ACSS3: variants seen among roughly 807,000 people sequenced by gnomAD.
ACSS3 encodes the protein acyl-CoA synthetase short chain family member 3.
A neutral mutation model predicts 84.2 loss-of-function variants in ACSS3; 64 were observed. That is an observed-to-expected ratio of 0.76 (90% CI 0.62 to 0.94). ACSS3 has a LOEUF of 0.94. Among genes scored for constraint, ACSS3 ranks in the 40% least tolerant of loss-of-function variants. The pLI is 0.00. For missense variants in ACSS3, 815 were observed against 867.6 expected (o/e 0.94, Z 0.76); for synonymous variants, 317 against 310.1 (o/e 1.02, Z -0.23).
At position 81,254,906 on chromosome 12, in the gene ACSS3, T is replaced by C; in HGVS notation, c.2045T>C (p.Met682Thr). ...AGCATTTTTGGCCACGTAGAAGAAA[T>C]GCTGAAGCAAGCATAATGAGTTTGT... Reference protein sequence around the residue: ...DPSIFGHVEEMLKQA With the variant: ...DPSIFGHVEETLKQA Residue 682 changes from methionine to threonine, a missense_variant, in exon 16 of 16, where the codon ATG (methionine) becomes ACG (threonine). Met to Thr is a moderately conservative substitution (Grantham distance 81). Coordinates refer to ENST00000548058, the MANE Select transcript of ACSS3 (RefSeq NM_024560.4). 1.2e-6 allele frequency: 2 copies of C among 1,606,466 alleles called. No individual in the cohort carries two copies. The highest frequency in any genetic ancestry group is 1.7e-6 in the Non-Finnish European group (2 of 1,176,592).
chr12:81,247,926 G>GA (rs1181812342), intron 13 of ACSS3, among the ~76,000 whole-genome samples: 3 of 151,920 alleles, frequency 2.0e-5, no homozygotes, highest in East Asian at 1.9e-4. Context: ...TTTATTTGTA[G>GA]AAAAAAATAG....
At chr12:81,227,230 A>C (rs2033301656) in intron 11 of ACSS3, among the ~76,000 whole-genome samples, 1 of 151,842 alleles carries the variant, frequency 6.6e-6, no homozygotes, top group Non-Finnish European at 1.5e-5. Flanking sequence ...CACATTATGG[A>C]GGATAATCTG....
At chr12:81,117,220 T>C (rs949653932) in intron 2 of ACSS3, among the ~76,000 whole-genome samples, 4 of 152,198 alleles carry the variant, frequency 2.6e-5, no homozygotes, top group African/African-American at 9.6e-5. Context: ...AACATGCTTG[T>C]GGAACACATA....
chr12:81,157,264 A>G (rs185959533), intron 7 of ACSS3, among the ~76,000 whole-genome samples: 164 of 152,326 alleles, frequency 1.1e-3, no homozygotes, highest in Non-Finnish European at 1.7e-3. Flanking sequence ...ATATAATCAT[A>G]TTAATTGATG....
chr12:81,205,752 C>T (rs1281183841), intron 9 of ACSS3, among the ~76,000 whole-genome samples: 2 of 152,078 alleles, frequency 1.3e-5, no homozygotes, highest in African/African-American at 4.8e-5. Flanking sequence ...AATCTGTCAG[C>T]CTGCAGTTCT....
chr12:81,162,062 A>C (rs1887180430), intron 7 of ACSS3, among the ~76,000 whole-genome samples: 1 of 152,168 alleles, frequency 6.6e-6, no homozygotes, highest in African/African-American at 2.4e-5. Context: ...CATGACAAGC[A>C]GGGACGGAGG....
At chr12:81,220,520 G>A (rs1035188519) in intron 11 of ACSS3, among the ~76,000 whole-genome samples, 1 of 151,730 alleles carries the variant, frequency 6.6e-6, no homozygotes. Context: ...CTAGGGTTTG[G>A]GCTTCTAGTG....
chr12:81,209,427 T>G (rs1421175255), intron 9 of ACSS3, among the ~76,000 whole-genome samples: 2 of 151,340 alleles, frequency 1.3e-5, no homozygotes, highest in South Asian at 2.1e-4. Context: ...CCTGGCAGCT[T>G]AAAACAACAA....
intron 9 of ACSS3, among the ~76,000 whole-genome samples, chr12:81,201,148 A>G (rs1169544733): frequency 6.6e-6 from 1 of 152,206 alleles, no homozygotes; most frequent in Admixed American, 6.5e-5. Context: ...GTAGAAATAC[A>G]TAGAAACAAG....
intron 11 of ACSS3, among the ~76,000 whole-genome samples, chr12:81,230,117 G>C (rs751483135): frequency 8.6e-5 from 13 of 151,932 alleles, no homozygotes; most frequent in Non-Finnish European, 1.3e-4. Context: ...TGAGAACTAC[G>C]AATTTACAAC....
At chr12:81,249,189 A>G (rs1466912247) in intron 13 of ACSS3, among the ~76,000 whole-genome samples, 3 of 152,106 alleles carry the variant, frequency 2.0e-5, no homozygotes, top group Non-Finnish European at 4.4e-5. Flanking sequence ...ATTGTGTCTA[A>G]AATCTGCTAG....
intron 2 of ACSS3, among the ~76,000 whole-genome samples, chr12:81,130,741 T>G (rs2121549780): frequency 6.6e-6 from 1 of 152,306 alleles, no homozygotes; most frequent in Middle Eastern, 3.4e-3. Flanking sequence ...GGTTTTCTTG[T>G]AGGGTTTTTA....
intron 13 of ACSS3, among the ~76,000 whole-genome samples, chr12:81,242,109 C>T (rs2033826716): frequency 6.6e-6 from 1 of 152,064 alleles, no homozygotes; most frequent in Admixed American, 6.6e-5. Context: ...TTCCCCATTG[C>T]TTGTTTTTCC....
chr12:81,184,155 A>G (rs1237449688), intron 8 of ACSS3, among the ~76,000 whole-genome samples: 1 of 152,004 alleles, frequency 6.6e-6, no homozygotes, highest in Non-Finnish European at 1.5e-5. Context: ...GTAGTTCACA[A>G]ATATGTGGAA....
chr12:81,168,648 T>G (rs1019364231), intron 7 of ACSS3, among the ~76,000 whole-genome samples: 2 of 152,182 alleles, frequency 1.3e-5, no homozygotes, highest in African/African-American at 4.8e-5. Flanking sequence ...CTATGTCCTA[T>G]AAATCATGAC....
At chr12:81,172,991 ATTC>A (rs2030195308) in intron 7 of ACSS3, among the ~76,000 whole-genome samples, 1 of 152,168 alleles carries the variant, frequency 6.6e-6, no homozygotes, top group Admixed American at 6.5e-5. Flanking sequence ...AAAATGATTT[ATTC>A]TTATTTAGCA....
At chr12:81,158,966 C>T (rs901608413) in intron 7 of ACSS3, among the ~76,000 whole-genome samples, 2 of 152,076 alleles carry the variant, frequency 1.3e-5, no homozygotes, top group Non-Finnish European at 2.9e-5. Flanking sequence ...CAGCTCCTTG[C>T]CTTAATGACA....
rs4611295 is a variant in ACSS3 at position 81,243,005 on chromosome 12, C to T, written c.1719+9534C>T. ...TTCAACATAGTGTTGGAAGTTCTGG[C>T]TAGGGCAATTAGGCAAGAGAAGGAA... On this transcript the variant is annotated intron_variant, in intron 13 of 15. Coordinates refer to ENST00000548058, the MANE Select transcript of ACSS3 (RefSeq NM_024560.4). Among the ~76,000 whole-genome samples, 3 of 151,918 alleles carry T rather than the reference C, an allele frequency of 2.0e-5. No homozygotes were observed. The South Asian group carries it at 6.2e-4, about 32-fold the overall frequency.
At chr12:81,137,523 T>G (rs1885872998) in intron 3 of ACSS3, among the ~76,000 whole-genome samples, 1 of 152,138 alleles carries the variant, frequency 6.6e-6, no homozygotes, top group Non-Finnish European at 1.5e-5. Flanking sequence ...TTTGATGTCA[T>G]GATCTTCAAA....
Sources: gnomAD v4.1 joint callset for allele counts (sites outside exome capture counted in the v4.1 genomes callset) on GRCh38, gnomAD v4.1.1 for gene constraint, MANE v1.5 for transcripts, NCBI Gene and HGNC (gene_info 2026-07-23, HGNC 2026-07-21) for gene names.